Variants in GPSM3 observed in about 807,000 individuals in gnomAD.
GPSM3 encodes G protein signaling modulator 3.
Under a neutral mutation model 20.4 loss-of-function variants are expected in GPSM3, and 16 were observed. The ratio of observed to expected loss-of-function variants is 0.78; its 90% confidence interval spans 0.53 to 1.19. The LOEUF (loss-of-function observed/expected upper bound fraction) is 1.19, where lower values mean the gene tolerates loss of function less well. GPSM3 is among the 50% of genes most tolerant of loss of function. The pLI is 0.00. For missense variants in GPSM3, 177 were observed against 204.6 expected, an observed-to-expected ratio of 0.86 and a Z score of 0.82; for synonymous variants, 70 against 79.6, an observed-to-expected ratio of 0.88 and a Z score of 0.64.
Position 32,191,386 on chromosome 6 carries a change from G to A in GPSM3, c.463C>T (p.Pro155Ser). ...AAGTCTCAGCAGGTGTGTGTGGGGG[G>A]CCGGGACCTTTGCTCCTCCATTCGA... Reference protein sequence around the residue: ...GGRMEEQRSRPPTHTC With the variant: ...GGRMEEQRSRSPTHTC The change falls in exon 4 of 4, where the codon CCC (proline) becomes TCC (serine). Residue 155 changes from proline (P) to serine (S), a missense_variant. Physicochemically the swap from Pro to Ser is moderately conservative, Grantham distance 74 (BLOSUM62 -1). Coordinates refer to ENST00000375040, the MANE Select transcript of GPSM3 (RefSeq NM_001276501.2). This position sits in a 1 kb window ranked among gnomAD's most constrained non-coding sequence, Gnocchi z 5.9. 2.5e-6 allele frequency: 4 copies of A among 1,586,310 alleles called. No homozygotes were observed. The highest frequency in any genetic ancestry group is 3.4e-6 in the Non-Finnish European group (4 of 1,170,806).
upstream of GPSM3, chr6:32,192,676 C>A (rs1023962984): frequency 4.2e-6 from 2 of 479,098 alleles, no homozygotes; most frequent in South Asian, 3.3e-5. The surrounding 1 kb of genome is among the most constrained non-coding windows in gnomAD (Gnocchi z 5.1). Flanking sequence ...TCAGCCCCCC[C>A]ACGGGCCCCG....
chr6:32,191,698 G>A lies in GPSM3; in HGVS notation c.345+11C>T. On this transcript the variant is annotated intron_variant, in intron 3 of 3. Coordinates refer to ENST00000375040, the MANE Select transcript of GPSM3 (RefSeq NM_001276501.2). The surrounding 1 kb of genome is among the most constrained non-coding windows in gnomAD (Gnocchi z 5.9). ...GGAGGCCTGGGTTTGCCTCCTGGGGGGATGTCTTACCTGGTGACTGAGGAT... is the reference window on the plus strand; with the variant it reads ...GGAGGCCTGGGTTTGCCTCCTGGGGAGATGTCTTACCTGGTGACTGAGGAT... 2 of 1,590,710 alleles carry A rather than the reference G, an allele frequency of 1.3e-6. No individual in the cohort carries two copies. Among genetic ancestry groups the A allele is most frequent in the Non-Finnish European group, 1.7e-6 (2 of 1,165,018 alleles).
At position 32,191,546 on chromosome 6, in the gene GPSM3, AGAG is replaced by A. The variant is rs1430448207; in HGVS notation, c.346-46_346-44del. The A allele has an allele frequency of 1.3e-6, 2 of 1,524,444 alleles. No individual in the cohort carries two copies. Among genetic ancestry groups the A allele is most frequent in the South Asian group, 2.6e-5 (2 of 77,406 alleles). The allele number at this position is 1,524,444 out of a possible 1,614,324, so 94.4% of individuals were successfully genotyped here. ...GAGGGAGAGCTTTGGTGAGGGTCTG[AGAG>A]GAGGAGGTTCTTGAGAGGATCAAGG... On this transcript the variant is annotated intron_variant, in intron 3 of 3. Coordinates refer to ENST00000375040, the MANE Select transcript of GPSM3 (RefSeq NM_001276501.2). The surrounding 1 kb of genome is among the most constrained non-coding windows in gnomAD (Gnocchi z 5.9).
chr6:32,195,116 A>G (rs1379259029), upstream of GPSM3: 1 of 373,378 alleles, frequency 2.7e-6, no homozygotes, highest in Non-Finnish European at 4.8e-6. The surrounding 1 kb of genome is among the most constrained non-coding windows in gnomAD (Gnocchi z 5.4). Flanking sequence ...ATATATAGGA[A>G]AGAACATCTT....
Position 32,191,529 on chromosome 6 carries a change from G to A in GPSM3, c.346-26C>T, listed in dbSNP as rs1435454523. ...CTGGAGGAGTGGAGGGAGAGGGAGA[G>A]CTTTGGTGAGGGTCTGAGAGGAGGA... On this transcript the variant is annotated intron_variant, in intron 3 of 3. Coordinates refer to ENST00000375040, the MANE Select transcript of GPSM3 (RefSeq NM_001276501.2). The surrounding 1 kb of genome is among the most constrained non-coding windows in gnomAD (Gnocchi z 5.9). 4 of 1,533,798 alleles carry A rather than the reference G, an allele frequency of 2.6e-6. No homozygotes were observed. Among genetic ancestry groups the A allele is most frequent in the Non-Finnish European group, 3.5e-6 (4 of 1,141,364 alleles).
At position 32,191,553 on chromosome 6, in the gene GPSM3, G is replaced by A. The variant is rs1582749751; in HGVS notation, c.346-50C>T. On this transcript the variant is annotated intron_variant, in intron 3 of 3. Coordinates refer to ENST00000375040, the MANE Select transcript of GPSM3 (RefSeq NM_001276501.2). This position sits in a 1 kb window ranked among gnomAD's most constrained non-coding sequence, Gnocchi z 5.9. ...AGCTTTGGTGAGGGTCTGAGAGGAG[G>A]AGGTTCTTGAGAGGATCAAGGGTTG... 6.6e-7 allele frequency: 1 copy of A among 1,520,432 alleles called. No homozygotes were observed. Among genetic ancestry groups the A allele is most frequent in the Non-Finnish European group, 8.8e-7 (1 of 1,134,730 alleles). The allele number at this position is 1,520,432 out of a possible 1,614,324, so 94.2% of individuals were successfully genotyped here. A position where few individuals can be genotyped will look rare whatever the true frequency, so the allele number is the denominator to read the frequency against.
In GPSM3 at chr6:32,192,355, T is replaced by C; in HGVS notation, c.43-105A>G. The C allele has an allele frequency of 7.3e-7, 1 of 1,375,222 alleles. No individual in the cohort carries two copies. The allele number at this position is 1,375,222 out of a possible 1,614,324, so 85.2% of individuals were successfully genotyped here. On this transcript the variant is annotated intron_variant, in intron 1 of 3. Coordinates refer to ENST00000375040, the MANE Select transcript of GPSM3 (RefSeq NM_001276501.2). This position sits in a 1 kb window ranked among gnomAD's most constrained non-coding sequence, Gnocchi z 5.1. Reference sequence around the variant, plus strand: ...CCGTTTCCTCTCTGTGTGTCTCTGTTCCTGCCTCAGTTTGCCCAAGCCTTT... The same window carrying C: ...CCGTTTCCTCTCTGTGTGTCTCTGTCCCTGCCTCAGTTTGCCCAAGCCTTT...
At position 32,192,429 on chromosome 6, in the gene GPSM3, T is replaced by G. The variant is rs1179145688; in HGVS notation, c.42+43A>C. On this transcript the variant is annotated intron_variant, in intron 1 of 3. Coordinates refer to ENST00000375040, the MANE Select transcript of GPSM3 (RefSeq NM_001276501.2). The surrounding 1 kb of genome is among the most constrained non-coding windows in gnomAD (Gnocchi z 5.1). ...TCTGCCCCAGGTCCTCTCACCTCCC[T>G]TCTTTCCCAGTGTCAGCCTCCCCAA... 2 of 1,565,362 alleles carry G rather than the reference T, an allele frequency of 1.3e-6. No homozygotes were observed. The highest frequency in any genetic ancestry group is 1.7e-6 in the Non-Finnish European group (2 of 1,152,300).
At chr6:32,194,812 C>A, upstream of GPSM3, 1 of 232,378 alleles carries the variant, frequency 4.3e-6, no homozygotes, top group Non-Finnish European at 8.5e-6. The surrounding 1 kb of genome is among the most constrained non-coding windows in gnomAD (Gnocchi z 4.5). Flanking sequence ...TCTTTTTTCC[C>A]ATTCTTCTCC....
In GPSM3 at chr6:32,192,450, C is replaced by T. The variant is rs767012126; in HGVS notation, c.42+22G>A. The T allele has an allele frequency of 1.3e-5, 20 of 1,582,336 alleles. No individual in the cohort carries two copies. Among genetic ancestry groups the T allele is most frequent in the Non-Finnish European group, 1.4e-5 (16 of 1,162,874 alleles). On this transcript the variant is annotated intron_variant, in intron 1 of 3. Coordinates refer to ENST00000375040, the MANE Select transcript of GPSM3 (RefSeq NM_001276501.2). This position sits in a 1 kb window ranked among gnomAD's most constrained non-coding sequence, Gnocchi z 5.1. ...TCCCTTCTTTCCCAGTGTCAGCCTC[C>T]CCAACCCCGTGCCCAGCTCACCTGC...
rs1787514870 is a variant in GPSM3 at position 32,191,559 on chromosome 6, C to T, written c.346-56G>A. On this transcript the variant is annotated intron_variant, in intron 3 of 3. Coordinates refer to ENST00000375040, the MANE Select transcript of GPSM3 (RefSeq NM_001276501.2). The surrounding 1 kb of genome is among the most constrained non-coding windows in gnomAD (Gnocchi z 5.9). ...GGTGAGGGTCTGAGAGGAGGAGGTT[C>T]TTGAGAGGATCAAGGGTTGGTATGG... 2 of 1,517,882 alleles carry T rather than the reference C, an allele frequency of 1.3e-6. No homozygotes were observed. The highest frequency in any genetic ancestry group is 2.6e-5 in the South Asian group (2 of 76,270). The allele number at this position is 1,517,882 out of a possible 1,614,324, so 94.0% of individuals were successfully genotyped here.
chr6:32,195,380 C>G, upstream of GPSM3: 1 of 1,497,420 alleles, frequency 6.7e-7, no homozygotes, highest in African/African-American at 1.4e-5. The surrounding 1 kb of genome is among the most constrained non-coding windows in gnomAD (Gnocchi z 5.4). Flanking sequence ...GGAAGGCCTT[C>G]CAGCCTGCCT....
upstream of GPSM3, among the ~76,000 whole-genome samples, chr6:32,193,735 C>G (rs1383213326): frequency 2.0e-5 from 3 of 152,078 alleles, no homozygotes; most frequent in Non-Finnish European, 4.4e-5. The surrounding 1 kb of genome is among the most constrained non-coding windows in gnomAD (Gnocchi z 4.7). Flanking sequence ...GCACTCCAGG[C>G]TGGGCAACAG....
At position 32,191,759 on chromosome 6, in the gene GPSM3, G is replaced by C. The variant is rs372347840; in HGVS notation, c.295C>G (p.Arg99Gly). 5 of 1,612,678 alleles carry C rather than the reference G, an allele frequency of 3.1e-6. No individual in the cohort carries two copies. In the South Asian group the frequency reaches 5.5e-5, roughly 18 times the overall value. Residue 99 changes from arginine to glycine, a missense_variant, in exon 3 of 4, where the codon CGT (arginine) becomes GGT (glycine). By Grantham distance (125) the Arg-to-Gly change is moderately radical (BLOSUM62 -2). Transcript: ENST00000375040. The surrounding 1 kb of genome is among the most constrained non-coding windows in gnomAD (Gnocchi z 5.9). ...AGCTGTTCTCTGTCCTCGAGAGGACGGAGTGGGGCAGGGGCTAGGCTTGAG... is the reference window on the plus strand; with the variant it reads ...AGCTGTTCTCTGTCCTCGAGAGGACCGAGTGGGGCAGGGGCTAGGCTTGAG... ...NPSSLAPAPL[R>G]PLEDREQLYS...
rs1444980734 is a variant in GPSM3 at position 32,191,694 on chromosome 6, G to T, written c.345+15C>A. 1 of 1,585,784 alleles carries T rather than the reference G, an allele frequency of 6.3e-7. No individual in the cohort carries two copies. Among genetic ancestry groups the T allele is most frequent in the Non-Finnish European group, 8.6e-7 (1 of 1,161,752 alleles). ...ACCAGGAGGCCTGGGTTTGCCTCCT[G>T]GGGGGATGTCTTACCTGGTGACTGA... On this transcript the variant is annotated intron_variant, in intron 3 of 3. Coordinates refer to ENST00000375040, the MANE Select transcript of GPSM3 (RefSeq NM_001276501.2). This position sits in a 1 kb window ranked among gnomAD's most constrained non-coding sequence, Gnocchi z 5.9.
upstream of GPSM3, chr6:32,195,422 C>T (rs1297545476): frequency 8.4e-6 from 13 of 1,553,348 alleles, no homozygotes; most frequent in Non-Finnish European, 1.1e-5. The surrounding 1 kb of genome is among the most constrained non-coding windows in gnomAD (Gnocchi z 5.4). Context: ...GAATTCCTCC[C>T]TACCATGTAT....
chr6:32,193,712 C>T (rs1237462820), upstream of GPSM3, among the ~76,000 whole-genome samples: 1 of 151,814 alleles, frequency 6.6e-6, no homozygotes, highest in Non-Finnish European at 1.5e-5. This position sits in a 1 kb window ranked among gnomAD's most constrained non-coding sequence, Gnocchi z 4.7. Context: ...TGCAGTGAGC[C>T]ATTTGTGCCA....
upstream of GPSM3, chr6:32,195,440 T>A (rs748589573): frequency 3.2e-6 from 5 of 1,584,892 alleles, no homozygotes; most frequent in African/African-American, 6.8e-5. The surrounding 1 kb of genome is among the most constrained non-coding windows in gnomAD (Gnocchi z 5.4). Context: ...TATTCTTCTA[T>A]TTTTTACCCT....
chr6:32,192,209 GGA>G lies in GPSM3; in HGVS notation c.82_83del (p.Ser28HisfsTer35). 6.6e-7 allele frequency: 1 copy of G among 1,512,672 alleles called. No individual in the cohort carries two copies. The highest frequency in any genetic ancestry group is 1.3e-5 in the South Asian group (1 of 74,726). The allele number at this position is 1,512,672 out of a possible 1,614,324, so 93.7% of individuals were successfully genotyped here. ...QDEEGWPPPNSTTRPWRSAPP... is the reference protein window; with the variant it reads ...QDEEGWPPPNXTTRPWRSAPP... ...GAGCAGATCGCCAAGGCCGAGTGGT[GGA>G]GTTTGGAGGGGGCCAGCCTTCCTCA... On this transcript the variant is annotated frameshift_variant, in exon 2 of 4. Coordinates refer to ENST00000375040, the MANE Select transcript of GPSM3 (RefSeq NM_001276501.2). LOFTEE classifies it high-confidence loss of function. This position sits in a 1 kb window ranked among gnomAD's most constrained non-coding sequence, Gnocchi z 5.1.
Sources: gnomAD v4.1 joint callset for allele counts (sites outside exome capture counted in the v4.1 genomes callset) on GRCh38, gnomAD v4.1.1 for gene constraint, Gnocchi (gnomAD v3.1) non-coding constraint, MANE v1.5 for transcripts, NCBI Gene and HGNC (gene_info 2026-07-23, HGNC 2026-07-21) for gene names.